TRDN: variants seen among roughly 807,000 people sequenced by gnomAD.
The protein encoded by TRDN is triadin.
Under a neutral mutation model 149.7 loss-of-function variants are expected in TRDN, and 161 were observed. That is an observed-to-expected ratio of 1.08 (90% CI 0.95 to 1.23). The LOEUF is 1.23. Among genes scored for constraint, TRDN ranks in the 50% most tolerant of loss-of-function variants. The pLI is 0.00. For synonymous variants in TRDN, 294 were observed against 250.5 expected, an observed-to-expected ratio of 1.17 and a Z score of -1.64; for missense variants, 896 against 823.5, an observed-to-expected ratio of 1.09 and a Z score of -1.08.
At chr6:123,510,475 C>T (rs751578153) in intron 7 of TRDN, among the ~76,000 whole-genome samples, 1 of 151,848 alleles carries the variant, frequency 6.6e-6, no homozygotes, top group Non-Finnish European at 1.5e-5. Flanking sequence ...TCCATTTTTT[C>T]TAGTAATTGG....
chr6:123,289,293 A>C (rs1461296511), intron 24 of TRDN, among the ~76,000 whole-genome samples: 4 of 151,856 alleles, frequency 2.6e-5, no homozygotes, highest in Non-Finnish European at 5.9e-5. Context: ...ATAGAAACAG[A>C]GAATAGGAAG....
chr6:123,442,813 T>A (rs1388584030), intron 10 of TRDN, among the ~76,000 whole-genome samples: 1 of 152,136 alleles, frequency 6.6e-6, no homozygotes, highest in African/African-American at 2.4e-5. Flanking sequence ...GTCTAGAATA[T>A]TTTGTATTAA....
chr6:123,384,816 A>G (rs1281574019), intron 14 of TRDN, among the ~76,000 whole-genome samples: 1 of 152,214 alleles, frequency 6.6e-6, no homozygotes, highest in Non-Finnish European at 1.5e-5. Context: ...GAACTTAAAA[A>G]TATAGTGCTT....
chr6:123,295,650 G>T (rs1047376207), intron 24 of TRDN, among the ~76,000 whole-genome samples: 1 of 152,006 alleles, frequency 6.6e-6, no homozygotes, highest in Admixed American at 6.6e-5. Flanking sequence ...ACATCACATT[G>T]TACCTCATAT....
chr6:123,286,619 C>T (rs1484275540), intron 24 of TRDN, among the ~76,000 whole-genome samples: 1 of 151,952 alleles, frequency 6.6e-6, no homozygotes, highest in Non-Finnish European at 1.5e-5. Context: ...TCACAAATCA[C>T]AACTGAAGAA....
At chr6:123,479,576 C>T (rs1348302326) in intron 9 of TRDN, among the ~76,000 whole-genome samples, 1 of 151,894 alleles carries the variant, frequency 6.6e-6, no homozygotes, top group African/African-American at 2.4e-5. Context: ...GAAACACAAA[C>T]AAAATGGATG....
chr6:123,581,939 A>G (rs1183247643), intron 1 of TRDN, among the ~76,000 whole-genome samples: 1 of 152,228 alleles, frequency 6.6e-6, no homozygotes, highest in Admixed American at 6.5e-5. Context: ...ATGGGTAGAT[A>G]GCCAATCAAA....
intron 24 of TRDN, among the ~76,000 whole-genome samples, chr6:123,315,054 A>G (rs1161955611): frequency 6.6e-6 from 1 of 152,004 alleles, no homozygotes; most frequent in Non-Finnish European, 1.5e-5. Flanking sequence ...ATGTAAACTA[A>G]TAATAGGAAA....
chr6:123,622,784 A>G (rs1459953962), intron 1 of TRDN, among the ~76,000 whole-genome samples: 1 of 152,100 alleles, frequency 6.6e-6, no homozygotes, highest in Non-Finnish European at 1.5e-5. Flanking sequence ...GCAAGTTTTT[A>G]TATGATTTGA....
At chr6:123,257,260 G>A (rs543041423) in intron 35 of TRDN, among the ~76,000 whole-genome samples, 14 of 151,768 alleles carry the variant, frequency 9.2e-5, no homozygotes, top group South Asian at 4.2e-4. Context: ...TTTCAGGCAT[G>A]AGCAACCACG....
At chr6:123,232,413 T>C (rs1775637104) in intron 38 of TRDN, among the ~76,000 whole-genome samples, 1 of 151,892 alleles carries the variant, frequency 6.6e-6, no homozygotes, top group African/African-American at 2.4e-5. Flanking sequence ...GGGGCAGATA[T>C]CCAAGCTGCA....
At chr6:123,634,867 T>C (rs1786211292) in intron 1 of TRDN, among the ~76,000 whole-genome samples, 1 of 152,040 alleles carries the variant, frequency 6.6e-6, no homozygotes, top group South Asian at 2.1e-4. Context: ...GTATTTCTAC[T>C]TTTTAATTTT....
intron 12 of TRDN, among the ~76,000 whole-genome samples, chr6:123,415,335 T>C (rs1773606041): frequency 6.6e-6 from 1 of 152,200 alleles, no homozygotes; most frequent in South Asian, 2.1e-4. Flanking sequence ...ACTTGTAATA[T>C]TCCAAGTACT....
chr6:123,540,546 G>A (rs1234955903), intron 4 of TRDN, among the ~76,000 whole-genome samples: 2 of 152,164 alleles, frequency 1.3e-5, no homozygotes, highest in Non-Finnish European at 2.9e-5. Flanking sequence ...GTTTGTTTGA[G>A]TCTCGCTCTG....
chr6:123,252,396 T>C lies in TRDN; in HGVS notation c.1975+16A>G. 3 of 1,488,510 alleles carry C rather than the reference T, an allele frequency of 2.0e-6. No homozygotes were observed. The highest frequency in any genetic ancestry group is 1.8e-6 in the Non-Finnish European group (2 of 1,091,994). The allele number at this position is 1,488,510 out of a possible 1,614,324, so 92.2% of individuals were successfully genotyped here. A position where few individuals can be genotyped will look rare whatever the true frequency, so the allele number is the denominator to read the frequency against. ...TGTATCAAAGAGAACTTGTCATTAA[T>C]ACAAACCGTACTTACTTGATACTCT... On this transcript the variant is annotated intron_variant, in intron 38 of 40. Coordinates refer to ENST00000334268, the MANE Select transcript of TRDN (RefSeq NM_006073.4).
intron 37 of TRDN, among the ~76,000 whole-genome samples, chr6:123,254,203 T>C (rs1222556808): frequency 6.6e-6 from 1 of 152,142 alleles, no homozygotes; most frequent in Non-Finnish European, 1.5e-5. Context: ...AAAGAATGTT[T>C]CAATATAAAA....
At chr6:123,241,711 A>G (rs1775996326) in intron 38 of TRDN, among the ~76,000 whole-genome samples, 1 of 152,100 alleles carries the variant, frequency 6.6e-6, no homozygotes, top group South Asian at 2.1e-4. Context: ...AACTTCTAGA[A>G]AAGACTAAAT....
intron 10 of TRDN, among the ~76,000 whole-genome samples, chr6:123,443,224 T>C (rs192169114): frequency 1.1e-4 from 16 of 148,802 alleles, no homozygotes; most frequent in Admixed American, 4.0e-4. Flanking sequence ...ATAATATATA[T>C]ATACATATAC....
Position 123,311,284 on chromosome 6 carries a change from G to A in TRDN, c.1510+5173C>T, listed in dbSNP as rs576015424. 1.8e-4 allele frequency among the ~76,000 whole-genome samples: 28 copies of A among 151,984 alleles called. 1 individual carries two copies. In the South Asian group the frequency reaches 5.8e-3, roughly 32 times the overall value. On this transcript the variant is annotated intron_variant, in intron 24 of 40. Transcript: ENST00000334268. Reference sequence around the variant, plus strand: ...AGATCCCATGAGAACTTACTATCATGAGAATAGCATGGGGGAAATCGCCCC... The same window carrying A: ...AGATCCCATGAGAACTTACTATCATAAGAATAGCATGGGGGAAATCGCCCC...
Sources: allele counts gnomAD v4.1 joint callset (sites outside exome capture counted in the v4.1 genomes callset), GRCh38; gene constraint gnomAD v4.1.1; transcripts MANE v1.5; gene names NCBI Gene and HGNC (gene_info 2026-07-23, HGNC 2026-07-21).